ZFP28: variants seen among roughly 807,000 people sequenced by gnomAD.
ZFP28 encodes the protein ZFP28 zinc finger protein.
Under a neutral mutation model 39.5 loss-of-function variants are expected in ZFP28, and 31 were observed. That is an observed-to-expected ratio of 0.79 (90% CI 0.59 to 1.06). The LOEUF (loss-of-function observed/expected upper bound fraction) is 1.06. Among genes scored for constraint, ZFP28 ranks in the 50% least tolerant of loss-of-function variants. The pLI is 0.00. For synonymous variants in ZFP28, 400 were observed against 378.6 expected (o/e 1.06, Z -0.66); for missense variants, 925 against 1,048.4 (o/e 0.88, Z 1.63).
intron 6 of ZFP28, 111 bp downstream of exon 6, chr19:56,550,292 A>T: frequency 6.2e-6 from 7 of 1,122,200 alleles, no homozygotes; most frequent in South Asian, 3.1e-5. Flanking sequence ...TGCTGGCCTG[A>T]ATTTTGTGGA....
In ZFP28 at chr19:56,554,145, G is replaced by C; in HGVS notation, c.1360G>C (p.Gly454Arg). 6.2e-7 allele frequency: 1 copy of C among 1,614,092 alleles called. No homozygotes were observed. ...GEKPYKCNEC[G>R]KAFSDGSSFA... Reference sequence around the variant, plus strand: ...GAAACCTTATAAATGTAATGAATGTGGGAAGGCCTTTAGTGACGGCTCATC... The same window carrying C: ...GAAACCTTATAAATGTAATGAATGTCGGAAGGCCTTTAGTGACGGCTCATC... The change falls in exon 8 of 8, where the codon GGG becomes CGG. Residue 454 changes from glycine (G) to arginine (R), a missense_variant. Gly to Arg is a moderately radical substitution (Grantham distance 125, BLOSUM62 -2). Transcript: ENST00000301318. This position sits in a 1 kb window ranked among gnomAD's most constrained non-coding sequence, Gnocchi z 6.7.
At chr19:56,550,675 C>G in intron 7 of ZFP28, 70 bp downstream of exon 7, 4 of 1,605,814 alleles carry the variant, frequency 2.5e-6, no homozygotes, top group Non-Finnish European at 3.4e-6. Context: ...AAAAAGGCTG[C>G]ATCCTCACTA....
intron 5 of ZFP28, among the ~76,000 whole-genome samples, chr19:56,549,811 CTGTG>C (rs542615163): frequency 1.3e-5 from 2 of 152,166 alleles, no homozygotes; most frequent in African/African-American, 2.4e-5. Context: ...AAGGTTCATA[CTGTG>C]TGTAAGTTCA....
intron 6 of ZFP28, 21 bp downstream of exon 6, chr19:56,550,202 T>C (rs368217698): frequency 1.3e-6 from 2 of 1,584,720 alleles, no homozygotes; most frequent in Non-Finnish European, 1.7e-6. Flanking sequence ...CCCTCTCCCA[T>C]ATTTGAATCT....
At position 56,553,916 on chromosome 19, in the gene ZFP28, C is replaced by A; in HGVS notation, c.1131C>A (p.Asn377Lys). Residue 377 changes from asparagine to lysine, a missense_variant, in exon 8 of 8, where the codon AAC becomes AAA. Around this residue, in one of 2 missense-constraint regions of ZFP28, gnomAD observed 556 missense variants for 542.9 expected, o/e 1.02. Transcript: ENST00000301318. ...CTAAGGAAAGAGAACGTACATATAA[C>A]AAATCTGGAAGATGGTTCTATTTGG... is the stretch of plus-strand genomic sequence containing the variant. Reference protein sequence around the residue: ...TLSKERERTYNKSGRWFYLDD... With the variant: ...TLSKERERTYKKSGRWFYLDD... 3 of 1,614,114 alleles carry A rather than the reference C, an allele frequency of 1.9e-6. No homozygotes were observed. Among genetic ancestry groups the A allele is most frequent in the Non-Finnish European group, 1.7e-6 (2 of 1,180,012 alleles).
upstream of ZFP28, among the ~76,000 whole-genome samples, chr19:56,537,385 C>T (rs2044143586): frequency 1.3e-5 from 2 of 152,192 alleles, no homozygotes; most frequent in Non-Finnish European, 2.9e-5. Context: ...TCTCTTTCCA[C>T]ACATCCACCA....
In ZFP28 at chr19:56,550,129, G is replaced by C. The variant is rs2044284152; in HGVS notation, c.750G>C (p.Lys250Asn). The C allele has an allele frequency of 6.2e-7, 1 of 1,613,272 alleles. No individual in the cohort carries two copies. Among genetic ancestry groups the C allele is most frequent in the Non-Finnish European group, 8.5e-7 (1 of 1,179,770 alleles). The change falls in exon 6 of 8, where the codon AAG (lysine) becomes AAC (asparagine). Residue 250 changes from lysine (K) to asparagine (N), a missense_variant. Around this residue, in one of 2 missense-constraint regions of ZFP28, gnomAD observed 556 missense variants for 542.9 expected, o/e 1.02. Transcript: ENST00000301318. ...GCCAGCAGCTACACCCAGCTCAGAAGAATTTCTGTAAGAATGGGATATGGG... is the reference window on the plus strand; with the variant it reads ...GCCAGCAGCTACACCCAGCTCAGAACAATTTCTGTAAGAATGGGATATGGG... ...DFRQQLHPAQ[K>N]NFCKNGIWEN...
intron 2 of ZFP28, among the ~76,000 whole-genome samples, chr19:56,540,032 C>A (rs993299272): frequency 1.3e-5 from 2 of 152,208 alleles, no homozygotes; most frequent in African/African-American, 2.4e-5. Flanking sequence ...GACTCTTCTG[C>A]TATACATGGT....
Position 56,554,653 on chromosome 19 carries a change from G to GA in ZFP28, c.1872dup (p.Ser625IlefsTer22). On this transcript the variant is annotated frameshift_variant, in exon 8 of 8. Transcript: ENST00000301318. LOFTEE classifies it low-confidence loss of function (END_TRUNC). The surrounding 1 kb of genome is among the most constrained non-coding windows in gnomAD (Gnocchi z 6.7). ...AAGCCTTTTGAATGTGCGGAGTGTG[G>GA]AAAATCCTTCAGCATCAGTTCTCAG... 6.2e-7 allele frequency: 1 copy of GA among 1,613,496 alleles called. No individual in the cohort carries two copies. Among genetic ancestry groups the GA allele is most frequent in the Non-Finnish European group, 8.5e-7 (1 of 1,179,508 alleles).
chr19:56,554,851 T>C lies in ZFP28; in HGVS notation c.2066T>C (p.Ile689Thr). ...GKAFSQTTHL[I>T]QHQRVHTGEK... The stretch of plus-strand genomic sequence containing the variant: ...GCCTTCAGCCAGACCACACACCTCA[T>C]TCAACATCAGAGAGTTCACACTGGT... Residue 689 changes from isoleucine to threonine, a missense_variant, in exon 8 of 8, where the codon ATT (isoleucine) becomes ACT (threonine). Coordinates refer to ENST00000301318, the MANE Select transcript of ZFP28 (RefSeq NM_020828.2). This position sits in a 1 kb window ranked among gnomAD's most constrained non-coding sequence, Gnocchi z 6.7. 3 of 1,614,010 alleles carry C rather than the reference T, an allele frequency of 1.9e-6. No individual in the cohort carries two copies. The highest frequency in any genetic ancestry group is 2.5e-6 in the Non-Finnish European group (3 of 1,179,978).
In ZFP28 at chr19:56,554,317, G is replaced by A; in HGVS notation, c.1532G>A (p.Gly511Glu). 6.2e-7 allele frequency: 1 copy of A among 1,614,004 alleles called. No homozygotes were observed. The highest frequency in any genetic ancestry group is 8.5e-7 in the Non-Finnish European group (1 of 1,179,988). ...AAACCCTTTGATTGCATCGATTGTG[G>A]GAAAGCCTTCAGTGACCACATAGGG... Reference protein sequence around the residue: ...GEKPFDCIDCGKAFSDHIGLN... With the variant: ...GEKPFDCIDCEKAFSDHIGLN... Residue 511 changes from glycine to glutamate, a missense_variant, in exon 8 of 8, where the codon GGG (glycine) becomes GAG (glutamate). Transcript: ENST00000301318. The surrounding 1 kb of genome is among the most constrained non-coding windows in gnomAD (Gnocchi z 6.7).
Position 56,553,840 on chromosome 19 carries a change from G to A in ZFP28, c.1055G>A (p.Gly352Asp). The change falls in exon 8 of 8, where the codon GGT becomes GAT. Residue 352 changes from glycine to aspartate, a missense_variant. Physicochemically the swap from Gly to Asp is moderately conservative, Grantham distance 94. Coordinates refer to ENST00000301318, the MANE Select transcript of ZFP28 (RefSeq NM_020828.2). ...DYVFGRKLAV[G>D]QETQFRQEPI... is the part of the protein sequence containing the mutation. ...GTGTTTGGAAGGAAGCTTGCAGTAGGTCAAGAGACACAATTCAGGCAAGAG... is the reference window on the plus strand; with the variant it reads ...GTGTTTGGAAGGAAGCTTGCAGTAGATCAAGAGACACAATTCAGGCAAGAG... 2 of 1,614,052 alleles carry A rather than the reference G, an allele frequency of 1.2e-6. No homozygotes were observed. The highest frequency in any genetic ancestry group is 1.3e-5 in the African/African-American group (1 of 75,020).
At position 56,549,631 on chromosome 19, in the gene ZFP28, C is replaced by T. The variant is rs1166211501; in HGVS notation, c.688-436C>T. ...GGCGGAGCTTGCAGTGAGCCGAGATCGCGCCACTGCACTCCAGCCTGGGTG... is the reference window on the plus strand; with the variant it reads ...GGCGGAGCTTGCAGTGAGCCGAGATTGCGCCACTGCACTCCAGCCTGGGTG... On this transcript the variant is annotated intron_variant, in intron 5 of 7. Coordinates refer to ENST00000301318, the MANE Select transcript of ZFP28 (RefSeq NM_020828.2). Among the ~76,000 whole-genome samples the T allele has an allele frequency of 2.7e-5, 4 of 148,940 alleles. No homozygotes were observed. The South Asian group carries it at 6.4e-4, about 24-fold the overall frequency.
At chr19:56,551,292 T>G in intron 7 of ZFP28, 1 of 987,134 alleles carries the variant, frequency 1.0e-6, no homozygotes, top group Non-Finnish European at 1.2e-6. Flanking sequence ...AAAATAATGG[T>G]TTGTAGAAAA....
In ZFP28 at chr19:56,555,285, A is replaced by C. The variant is rs1395693562; in HGVS notation, c.2500A>C (p.Ile834Leu). 2 of 1,614,072 alleles carry C rather than the reference A, an allele frequency of 1.2e-6. No individual in the cohort carries two copies. Among genetic ancestry groups the C allele is most frequent in the East Asian group, 4.5e-5 (2 of 44,882 alleles). The change falls in exon 8 of 8, where the codon ATT (isoleucine) becomes CTT (leucine). Residue 834 changes from isoleucine (I) to leucine (L), a missense_variant. This residue lies in a region of ZFP28 where 369 missense variants were observed against 505.5 expected (regional missense o/e 0.73). Coordinates refer to ENST00000301318, the MANE Select transcript of ZFP28 (RefSeq NM_020828.2). ...QTAHLAHHQR[I>L]HTGESSTCPS... ...TGCTCACTTAGCTCATCATCAGCGA[A>C]TTCATACTGGAGAGTCGTCAACATG...
At chr19:56,551,125 G>A (rs1312047502) in intron 7 of ZFP28, 10 of 1,021,594 alleles carry the variant, frequency 9.8e-6, no homozygotes, top group Non-Finnish European at 1.2e-5. Context: ...AGAGTTTGCA[G>A]AATTTCAAAT....
At chr19:56,550,287 G>A in intron 6 of ZFP28, 106 bp downstream of exon 6, 6 of 1,183,898 alleles carry the variant, frequency 5.1e-6, no homozygotes, top group Non-Finnish European at 5.9e-6. Flanking sequence ...TGACATGCTG[G>A]CCTGAATTTT....
At chr19:56,550,275 T>C in intron 6 of ZFP28, 94 bp downstream of exon 6, 4 of 1,253,914 alleles carry the variant, frequency 3.2e-6, no homozygotes, top group Non-Finnish European at 4.5e-6. Context: ...GGGGGTGTCT[T>C]CTGACATGCT....
upstream of ZFP28, among the ~76,000 whole-genome samples, chr19:56,537,038 G>A (rs1259025593): frequency 3.6e-5 from 3 of 82,308 alleles, no homozygotes; most frequent in Non-Finnish European, 7.9e-5. Flanking sequence ...GGTGGTTGTC[G>A]GTCAGTAGCT....
Sources: allele counts gnomAD v4.1 joint callset (sites outside exome capture counted in the v4.1 genomes callset), GRCh38; gene constraint gnomAD v4.1.1; regional missense constraint gnomAD v4.1.1; non-coding constraint Gnocchi (gnomAD v3.1); transcripts MANE v1.5; gene names NCBI Gene and HGNC (gene_info 2026-07-23, HGNC 2026-07-21).